Variants in UIMC1 observed in about 807,000 individuals in gnomAD.
The protein encoded by UIMC1 is BRCA1-A complex subunit RAP80.
Under a neutral mutation model 84.9 loss-of-function variants are expected in UIMC1, and 42 were observed. That is an observed-to-expected ratio of 0.49 (90% CI 0.39 to 0.64). The LOEUF (loss-of-function observed/expected upper bound fraction) is 0.64. UIMC1 is among the 30% of genes least tolerant of loss of function. The probability of loss-of-function intolerance (pLI) is 0.00; values close to 1 mark genes in which losing one functional copy is unlikely to be tolerated. For missense variants in UIMC1, 825 were observed against 847.6 expected, an observed-to-expected ratio of 0.97 and a Z score of 0.33; for synonymous variants, 281 against 293.0, an observed-to-expected ratio of 0.96 and a Z score of 0.42.
intron 9 of UIMC1, among the ~76,000 whole-genome samples, chr5:176,944,143 C>T (rs1181127574): frequency 6.6e-6 from 1 of 152,076 alleles, no homozygotes; most frequent in Admixed American, 6.5e-5. Context: ...AAAAACAGCA[C>T]AACTAGGATT....
At chr5:177,015,616 G>A (rs563899902) in intron 1 of UIMC1, among the ~76,000 whole-genome samples, 2 of 152,300 alleles carry the variant, frequency 1.3e-5, no homozygotes. Context: ...CTATAATGGA[G>A]AAAAGGCTGG....
chr5:176,959,350 A>T (rs1337464866), intron 6 of UIMC1, among the ~76,000 whole-genome samples: 1 of 152,212 alleles, frequency 6.6e-6, no homozygotes, highest in Non-Finnish European at 1.5e-5. Context: ...AAGCACTAGT[A>T]AGTTAGTTAT....
At chr5:176,930,641 T>C (rs569699704) in intron 10 of UIMC1, among the ~76,000 whole-genome samples, 1 of 152,370 alleles carries the variant, frequency 6.6e-6, no homozygotes, top group Admixed American at 6.5e-5. Flanking sequence ...TTAAATCCTT[T>C]TACTTAACAG....
intron 10 of UIMC1, among the ~76,000 whole-genome samples, chr5:176,918,524 T>C (rs898557000): frequency 2.6e-5 from 4 of 152,158 alleles, no homozygotes; most frequent in Non-Finnish European, 5.9e-5. Context: ...AATGAATTCA[T>C]TTTCTGACTT....
intron 1 of UIMC1, among the ~76,000 whole-genome samples, chr5:176,989,656 C>CAAA (rs57582576): frequency 7.4e-6 from 1 of 134,666 alleles, no homozygotes; most frequent in African/African-American, 2.7e-5. Flanking sequence ...GACCCTGCCT[C>CAAA]AAAAAAAAAA....
At chr5:176,942,453 C>A (rs1003069542) in intron 10 of UIMC1, among the ~76,000 whole-genome samples, 3 of 151,988 alleles carry the variant, frequency 2.0e-5, no homozygotes, top group Non-Finnish European at 4.4e-5. Context: ...AAAGATGGGC[C>A]AGGTGCAGGC....
At chr5:176,991,946 C>T (rs1167015749) in intron 1 of UIMC1, among the ~76,000 whole-genome samples, 2 of 151,754 alleles carry the variant, frequency 1.3e-5, no homozygotes, top group Non-Finnish European at 2.9e-5. Context: ...AAAGAAAGAC[C>T]CCACCTCTAC....
At chr5:176,977,431 A>C (rs1355716516) in intron 2 of UIMC1, among the ~76,000 whole-genome samples, 2 of 152,026 alleles carry the variant, frequency 1.3e-5, no homozygotes, top group African/African-American at 4.8e-5. Flanking sequence ...AAGTACACAC[A>C]GAATATTCTG....
intron 2 of UIMC1, among the ~76,000 whole-genome samples, chr5:176,977,501 A>G (rs2149495181): frequency 6.7e-6 from 1 of 149,834 alleles, no homozygotes; most frequent in Non-Finnish European, 1.5e-5. Context: ...AGTACATACT[A>G]TTAATGGAGA....
At chr5:176,969,909 A>C (rs1768941265) in intron 4 of UIMC1, 2 of 496,410 alleles carry the variant, frequency 4.0e-6, no homozygotes, top group South Asian at 6.3e-5. Flanking sequence ...ACCCTTTTTT[A>C]AAACAGGGAG....
upstream of UIMC1, among the ~76,000 whole-genome samples, chr5:177,009,662 G>A (rs561620168): frequency 6.6e-6 from 1 of 152,250 alleles, no homozygotes; most frequent in African/African-American, 2.4e-5. The surrounding 1 kb of genome is among the most constrained non-coding windows in gnomAD (Gnocchi z 4.3). Flanking sequence ...CACACTTTGG[G>A]AGGCTGAGGT....
chr5:176,979,650 C>T (rs941479704), intron 2 of UIMC1, among the ~76,000 whole-genome samples: 1 of 151,670 alleles, frequency 6.6e-6, no homozygotes, highest in Non-Finnish European at 1.5e-5. Context: ...GGAAGGGACA[C>T]ACTAAGAGAA....
chr5:176,967,701 G>A (rs1181197316), intron 6 of UIMC1, among the ~76,000 whole-genome samples: 2 of 151,858 alleles, frequency 1.3e-5, no homozygotes, highest in Admixed American at 6.6e-5. Flanking sequence ...ACAGGAGTTC[G>A]AGACCAGCCT....
At chr5:176,921,770 T>C (rs926007843) in intron 10 of UIMC1, among the ~76,000 whole-genome samples, 2 of 152,184 alleles carry the variant, frequency 1.3e-5, no homozygotes, top group Non-Finnish European at 1.5e-5. Flanking sequence ...GTCTCCTCAA[T>C]TCCATTTTTG....
chr5:176,931,274 C>T (rs886922816), intron 10 of UIMC1, among the ~76,000 whole-genome samples: 5 of 151,924 alleles, frequency 3.3e-5, no homozygotes, highest in African/African-American at 1.2e-4. Context: ...GCTCTAGATG[C>T]CTGAATTTAA....
chr5:176,979,187 G>C (rs1289546332), intron 2 of UIMC1, among the ~76,000 whole-genome samples: 2 of 152,194 alleles, frequency 1.3e-5, no homozygotes, highest in East Asian at 3.9e-4. Context: ...GAGATTATTG[G>C]AAAGTGTTGG....
intron 6 of UIMC1, among the ~76,000 whole-genome samples, chr5:176,960,841 C>G (rs1216643471): frequency 1.6e-5 from 1 of 61,064 alleles, no homozygotes; most frequent in Non-Finnish European, 3.0e-5. Flanking sequence ...CTGTGTTGGC[C>G]GGGCCGGTCT....
At chr5:176,978,817 C>T (rs1361840539) in intron 2 of UIMC1, among the ~76,000 whole-genome samples, 1 of 152,092 alleles carries the variant, frequency 6.6e-6, no homozygotes, top group Non-Finnish European at 1.5e-5. Context: ...ATTCCTAAAA[C>T]CACTACTAGT....
intron 10 of UIMC1, among the ~76,000 whole-genome samples, chr5:176,913,810 T>C (rs1277229510): frequency 3.9e-5 from 6 of 152,106 alleles, no homozygotes. Flanking sequence ...AACCCCCGTC[T>C]CTACAAAAAA....
Sources: gnomAD v4.1 joint callset for allele counts (sites outside exome capture counted in the v4.1 genomes callset) on GRCh38, gnomAD v4.1.1 for gene constraint, Gnocchi (gnomAD v3.1) non-coding constraint, MANE v1.5 for transcripts, NCBI Gene and HGNC (gene_info 2026-07-23, HGNC 2026-07-21) for gene names.